SLC6A17: variants seen among roughly 807,000 people sequenced by gnomAD.
SLC6A17 encodes the protein sodium-dependent neutral amino acid transporter SLC6A17.
A neutral mutation model predicts 64.5 loss-of-function variants in SLC6A17; 21 were observed. The ratio of observed to expected loss-of-function variants is 0.33; its 90% confidence interval spans 0.23 to 0.47. SLC6A17 has a LOEUF of 0.47. Ranked by LOEUF, SLC6A17 falls within the 20% of genes least tolerant of loss-of-function variation. The pLI, the probability that SLC6A17 is intolerant of heterozygous loss-of-function variation, is 1.00. For synonymous variants in SLC6A17, 372 were observed against 399.5 expected, an observed-to-expected ratio of 0.93 and a Z score of 0.82; for missense variants, 682 against 963.2, an observed-to-expected ratio of 0.71 and a Z score of 3.86.
At chr1:110,181,163 G>A (rs1656513441) in intron 6 of SLC6A17, among the ~76,000 whole-genome samples, 1 of 152,210 alleles carries the variant, frequency 6.6e-6, no homozygotes, top group Non-Finnish European at 1.5e-5. Flanking sequence ...ACCCAGGTCA[G>A]CATGGGCTAC....
intron 8 of SLC6A17, among the ~76,000 whole-genome samples, chr1:110,194,268 G>C (rs1656903783): frequency 6.6e-6 from 1 of 152,142 alleles, no homozygotes; most frequent in Admixed American, 6.5e-5. Flanking sequence ...AGAGGAGCAG[G>C]GTCCTGAGCT....
chr1:110,163,510 C>T (rs1016100169), intron 1 of SLC6A17, among the ~76,000 whole-genome samples: 4 of 152,198 alleles, frequency 2.6e-5, no homozygotes, highest in African/African-American at 9.7e-5. Flanking sequence ...TGCGGCTGCT[C>T]ATTGGACCCT....
Position 110,181,535 on chromosome 1 carries a change from G to A in SLC6A17, c.864+4796G>A, listed in dbSNP as rs763864287. ...ACTTCCTGGTCCTCATGGAGCTTAC[G>A]TTCTGGTGGAGGGAGACAGATGTTG... is the stretch of plus-strand genomic sequence containing the variant. On this transcript the variant is annotated intron_variant, in intron 6 of 11. Coordinates refer to ENST00000331565, the MANE Select transcript of SLC6A17 (RefSeq NM_001010898.4). Among the ~76,000 whole-genome samples the A allele has an allele frequency of 1.5e-4, 23 of 152,360 alleles. No individual in the cohort carries two copies. In the South Asian group the frequency reaches 2.3e-3, roughly 15 times the overall value.
At chr1:110,185,237 C>T (rs1030978879) in intron 6 of SLC6A17, among the ~76,000 whole-genome samples, 3 of 152,218 alleles carry the variant, frequency 2.0e-5, no homozygotes, top group Non-Finnish European at 4.4e-5. Context: ...ATGGGGTTGT[C>T]GGGAAAGTGC....
At position 110,201,790 on chromosome 1, in the gene SLC6A17, T is replaced by G. The variant is rs1657136023; in HGVS notation, c.*3346T>G. ...GGAGGGGCTGCTTTTCTGCCCTTCC[T>G]CACCCCCACGCCCCACCCCACTCCC... On this transcript the variant is annotated 3_prime_UTR_variant, in exon 12 of 12. Transcript: ENST00000331565. The G allele has an allele frequency of 6.6e-6, 1 of 152,118 alleles. No homozygotes were observed. Among genetic ancestry groups the G allele is most frequent in the Non-Finnish European group, 1.5e-5 (1 of 68,188 alleles). 9.4% of individuals were successfully genotyped at this position (152,118 alleles called of 1,614,324 possible).
At chr1:110,164,991 A>T (rs973652146) in intron 1 of SLC6A17, among the ~76,000 whole-genome samples, 6 of 152,190 alleles carry the variant, frequency 3.9e-5, no homozygotes, top group Admixed American at 3.9e-4. Context: ...ACAGGCTCTG[A>T]GCCAAGGAAC....
intron 6 of SLC6A17, among the ~76,000 whole-genome samples, chr1:110,184,492 C>A (rs555637520): frequency 1.3e-5 from 2 of 152,204 alleles, no homozygotes; most frequent in African/African-American, 4.8e-5. Flanking sequence ...ATTTAAACCT[C>A]CTAACAACCC....
At chr1:110,162,506 A>G (rs1304024574) in intron 1 of SLC6A17, among the ~76,000 whole-genome samples, 2 of 152,218 alleles carry the variant, frequency 1.3e-5, no homozygotes, top group African/African-American at 4.8e-5. Context: ...CCCAGCACCT[A>G]GCTGGCCTGC....
At chr1:110,186,807 G>T (rs1480156173) in intron 6 of SLC6A17, among the ~76,000 whole-genome samples, 1 of 152,200 alleles carries the variant, frequency 6.6e-6, no homozygotes, top group African/African-American at 2.4e-5. Flanking sequence ...TGTGACGTGG[G>T]TATTGACAAG....
intron 4 of SLC6A17, 134 bp from the exon 5 acceptor site, chr1:110,174,645 A>G (rs1656322984): frequency 9.0e-7 from 1 of 1,109,684 alleles, no homozygotes; most frequent in Admixed American, 2.6e-5. Flanking sequence ...CTAACCCAAG[A>G]TGAGCACAGC....
At chr1:110,174,732 C>T in intron 4 of SLC6A17, 47 bp from the exon 5 acceptor site, 1 of 1,594,970 alleles carries the variant, frequency 6.3e-7, no homozygotes. Context: ...GGAAGTGACC[C>T]CATAGGCCCT....
At chr1:110,161,757 C>T (rs1190365884) in intron 1 of SLC6A17, among the ~76,000 whole-genome samples, 1 of 152,240 alleles carries the variant, frequency 6.6e-6, no homozygotes, top group Non-Finnish European at 1.5e-5. Flanking sequence ...AAGTGCCCCT[C>T]TTCCCTTCTC....
At chr1:110,180,899 C>T (rs1028071457) in intron 6 of SLC6A17, among the ~76,000 whole-genome samples, 3 of 152,122 alleles carry the variant, frequency 2.0e-5, no homozygotes, top group Non-Finnish European at 4.4e-5. Flanking sequence ...ATAGATTGTG[C>T]TAAATGACCT....
rs145510503 is a variant in SLC6A17, at chr1:110,187,672, C to T, written c.865-4300C>T. On this transcript the variant is annotated intron_variant, in intron 6 of 11. Transcript: ENST00000331565. ...CTCCCATGAGGTGCTGGTTTCTAGC[C>T]TAGGAGAAGCGCCCAGGCTCCAGCA... Among the ~76,000 whole-genome samples, 302 of 152,366 alleles carry T rather than the reference C, an allele frequency of 2.0e-3. 1 individual carries two copies. The highest frequency in any genetic ancestry group is 7.1e-3 in the African/African-American group (296 of 41,588).
intron 6 of SLC6A17, 22 bp downstream of exon 6, chr1:110,176,761 A>G (rs1656387477): frequency 3.1e-6 from 5 of 1,599,088 alleles, no homozygotes; most frequent in Non-Finnish European, 4.3e-6. Context: ...GGGCTCCCAC[A>G]TGCCAGGGAA....
chr1:110,180,087 A>C (rs1175797695), intron 6 of SLC6A17, among the ~76,000 whole-genome samples: 2 of 152,292 alleles, frequency 1.3e-5, no homozygotes, highest in African/African-American at 4.8e-5. Flanking sequence ...CATCTCCAAA[A>C]AATAATTAAT....
At position 110,191,971 on chromosome 1, in the gene SLC6A17, G is replaced by A. The variant is rs1340889612; in HGVS notation, c.865-1G>A. On this transcript the variant is annotated splice_acceptor_variant, in intron 6 of 11. Coordinates refer to ENST00000331565, the MANE Select transcript of SLC6A17 (RefSeq NM_001010898.4). LOFTEE classifies it high-confidence loss of function. ...CCTCCTGCCTTGGTCTTCTGCCATAGCTGGACAAGATGCTGGACCCCCAGG... is the reference window on the plus strand; with the variant it reads ...CCTCCTGCCTTGGTCTTCTGCCATAACTGGACAAGATGCTGGACCCCCAGG... The A allele has an allele frequency of 6.2e-7, 1 of 1,613,272 alleles. No individual in the cohort carries two copies. The highest frequency in any genetic ancestry group is 8.5e-7 in the Non-Finnish European group (1 of 1,179,374).
At position 110,170,846 on chromosome 1, in the gene SLC6A17, G is replaced by GGTGT. The variant is rs113598904; in HGVS notation, c.287-1195_287-1192dup. ...TGGTTGGCTTGTGTGACTAGTCTGT[G>GGTGT]GTGTGTGTGTGTGTGTGTGTGTATA... is the stretch of plus-strand genomic sequence containing the variant. On this transcript the variant is annotated intron_variant, in intron 2 of 11. Transcript: ENST00000331565. 4.6e-3 allele frequency among the ~76,000 whole-genome samples: 685 copies of GGTGT among 150,136 alleles called. 6 individuals carry two copies. The highest frequency in any genetic ancestry group is 0.016 in the African/African-American group (655 of 40,962).
Position 110,172,124 on chromosome 1 carries a change from G to A in SLC6A17, c.351G>A (p.Glu117=). The stretch of plus-strand genomic sequence containing the variant: ...TCGGGATCCCCCTCTTCTTCCTGGA[G>A]CTGGCTGTGGGTCAGAGGATCCGCC... ...IIIGIPLFFL[E]LAVGQRIRRG... Residue 117 remains glutamate, a synonymous_variant, in exon 3 of 12, where the codon GAG becomes GAA. Coordinates refer to ENST00000331565, the MANE Select transcript of SLC6A17 (RefSeq NM_001010898.4). The A allele has an allele frequency of 6.2e-7, 1 of 1,614,110 alleles. No individual in the cohort carries two copies. Among genetic ancestry groups the A allele is most frequent in the South Asian group, 1.1e-5 (1 of 91,068 alleles).
Sources: gnomAD v4.1 joint callset for allele counts (sites outside exome capture counted in the v4.1 genomes callset) on GRCh38, gnomAD v4.1.1 for gene constraint, MANE v1.5 for transcripts, NCBI Gene and HGNC (gene_info 2026-07-23, HGNC 2026-07-21) for gene names.